Variants in GALNT15 observed in about 807,000 individuals in gnomAD.
The protein encoded by GALNT15 is UDP-GalNAc transferase T15.
A neutral mutation model predicts 66.8 loss-of-function variants in GALNT15; 67 were observed. The ratio of observed to expected loss-of-function variants is 1.00; its 90% CI spans 0.82 to 1.23. The LOEUF is 1.23. GALNT15 is among the 50% of genes most tolerant of loss of function. The pLI is 0.00. For missense variants in GALNT15, 827 were observed against 804.3 expected, an observed-to-expected ratio of 1.03 and a Z score of -0.34; for synonymous variants, 313 against 311.5, an observed-to-expected ratio of 1.00 and a Z score of -0.05.
chr3:16,222,575 C>A (rs757732588), intron 8 of GALNT15, 40 bp from the exon 9 acceptor site: 1 of 1,613,102 alleles, frequency 6.2e-7, no homozygotes, highest in Non-Finnish European at 8.5e-7. Flanking sequence ...TGAAGAGGAT[C>A]TCTTTCTAGC....
the GALNT15 span, among the ~76,000 whole-genome samples, chr3:16,247,161 G>A: frequency 2.0e-5 from 3 of 150,664 alleles, no homozygotes; most frequent in Non-Finnish European, 4.4e-5. Context: ...TCTGCTAAAG[G>A]ATGCTTGCAG....
chr3:16,233,092 A>ATTTTTTTTTTTTT (rs771943641), downstream of GALNT15, among the ~76,000 whole-genome samples: 6 of 48,066 alleles, frequency 1.2e-4, no homozygotes, highest in Non-Finnish European at 1.7e-4. Context: ...AGGATAATGC[A>ATTTTTTTTTTTTT]TCTTTTTTTT....
chr3:16,215,411 G>A (rs1395826874), intron 6 of GALNT15, among the ~76,000 whole-genome samples: 1 of 152,190 alleles, frequency 6.6e-6, no homozygotes, highest in Non-Finnish European at 1.5e-5. Context: ...AGGGTGAGTT[G>A]CTAAAGAGAA....
chr3:16,227,687 G>T lies in GALNT15; in HGVS notation c.*187G>T, dbSNP rs2064038089. 4.4e-6 allele frequency: 6 copies of T among 1,364,916 alleles called. No individual in the cohort carries two copies. The highest frequency in any genetic ancestry group is 5.6e-6 in the Non-Finnish European group (6 of 1,071,666). The allele number at this position is 1,364,916 out of a possible 1,614,324, so 84.6% of individuals were successfully genotyped here. On this transcript the variant is annotated 3_prime_UTR_variant, in exon 10 of 10. Transcript: ENST00000339732. The surrounding 1 kb of genome is among the most constrained non-coding windows in gnomAD (Gnocchi z 4.5). ...TCACACCTTATTTCATTGACTGCTGGCTGCTTTAAAAAAAAAAAAAAAGGA... is the reference window on the plus strand; with the variant it reads ...TCACACCTTATTTCATTGACTGCTGTCTGCTTTAAAAAAAAAAAAAAAGGA...
chr3:16,219,958 G>A lies in GALNT15; in HGVS notation c.1573G>A (p.Asp525Asn). 3.7e-6 allele frequency: 6 copies of A among 1,614,220 alleles called. No individual in the cohort carries two copies. The highest frequency in any genetic ancestry group is 5.1e-6 in the Non-Finnish European group (6 of 1,180,028). The change falls in exon 8 of 10, where the codon GAC becomes AAC. Residue 525 changes from aspartate to asparagine, a missense_variant. Coordinates refer to ENST00000339732, the MANE Select transcript of GALNT15 (RefSeq NM_054110.5). This position sits in a 1 kb window ranked among gnomAD's most constrained non-coding sequence, Gnocchi z 4.3. ...GLCADCQAEG[D>N]ILGCPMVLAP... ...CTGTGCAGACTGCCAGGCAGAAGGGGACATCCTGGGCTGTCCCATGGTGTT... is the reference window on the plus strand; with the variant it reads ...CTGTGCAGACTGCCAGGCAGAAGGGAACATCCTGGGCTGTCCCATGGTGTT...
intron 2 of GALNT15, among the ~76,000 whole-genome samples, chr3:16,197,200 G>T (rs2124864395): frequency 6.6e-6 from 1 of 152,328 alleles, no homozygotes; most frequent in South Asian, 2.1e-4. Flanking sequence ...CCCCTCGGGA[G>T]TACGGAAAGT....
chr3:16,220,384 A>G (rs908911542), intron 8 of GALNT15: 10 of 252,802 alleles, frequency 4.0e-5, no homozygotes, highest in Admixed American at 1.4e-4. Context: ...GGACTGAAGA[A>G]GAAGGTAATC....
Position 16,180,547 on chromosome 3 carries a change from A to G in GALNT15, c.539+4857A>G, listed in dbSNP as rs879938257. 6.6e-6 allele frequency among the ~76,000 whole-genome samples: 1 copy of G among 152,010 alleles called. No homozygotes were observed. The highest frequency in any genetic ancestry group is 2.4e-5 in the African/African-American group (1 of 41,392). ...AAGACGTAGATGTTCAGACCCCCTCACTGGCAATGCTCCAGAGTTCTGAGT... is the reference window on the plus strand; with the variant it reads ...AAGACGTAGATGTTCAGACCCCCTCGCTGGCAATGCTCCAGAGTTCTGAGT... On this transcript the variant is annotated intron_variant, in intron 1 of 9. Transcript: ENST00000339732. The surrounding 1 kb of genome is among the most constrained non-coding windows in gnomAD (Gnocchi z 5.0).
chr3:16,217,958 C>T lies in GALNT15; in HGVS notation c.1393-1445C>T, dbSNP rs1042539723. 2.0e-4 allele frequency among the ~76,000 whole-genome samples: 30 copies of T among 152,190 alleles called. 1 individual carries two copies. Among genetic ancestry groups the T allele is most frequent in the South Asian group, 6.2e-4 (3 of 4,820 alleles). ...ATGGTGGGTAAATACACTGAATAAA[C>T]AAGAAATCCCTGACTTAGAGAAGTT... On this transcript the variant is annotated intron_variant, in intron 6 of 9. Coordinates refer to ENST00000339732, the MANE Select transcript of GALNT15 (RefSeq NM_054110.5).
Position 16,180,332 on chromosome 3 carries a change from G to A in GALNT15, c.539+4642G>A, listed in dbSNP as rs1428636267. On this transcript the variant is annotated intron_variant, in intron 1 of 9. Transcript: ENST00000339732. This position sits in a 1 kb window ranked among gnomAD's most constrained non-coding sequence, Gnocchi z 5.0. ...TTTAAGGTGCATGCGAATCTTCTAG[G>A]CATCCTGTTAAAATGCAGTCAAATT... Among the ~76,000 whole-genome samples the A allele has an allele frequency of 6.6e-6, 1 of 152,180 alleles. No individual in the cohort carries two copies. Among genetic ancestry groups the A allele is most frequent in the East Asian group, 1.9e-4 (1 of 5,198 alleles).
intron 2 of GALNT15, 96 bp downstream of exon 2, chr3:16,196,022 G>A: frequency 2.3e-6 from 3 of 1,285,458 alleles, no homozygotes; most frequent in Non-Finnish European, 3.3e-6. Context: ...ACTATTTTAG[G>A]CAAGATTCCC....
At chr3:16,238,382 G>A in the GALNT15 span, among the ~76,000 whole-genome samples, 1 of 151,918 alleles carries the variant, frequency 6.6e-6, no homozygotes, top group Non-Finnish European at 1.5e-5. The surrounding 1 kb of genome is among the most constrained non-coding windows in gnomAD (Gnocchi z 4.8). Flanking sequence ...CTATTACTAT[G>A]ATAATAGTAA....
At chr3:16,192,692 G>A (rs2063591684) in intron 1 of GALNT15, among the ~76,000 whole-genome samples, 1 of 152,188 alleles carries the variant, frequency 6.6e-6, no homozygotes, top group African/African-American at 2.4e-5. Flanking sequence ...TGAAGGGGGT[G>A]AAAGACCTCA....
At chr3:16,242,550 G>A in the GALNT15 span, among the ~76,000 whole-genome samples, 1 of 151,854 alleles carries the variant, frequency 6.6e-6, no homozygotes. The surrounding 1 kb of genome is among the most constrained non-coding windows in gnomAD (Gnocchi z 5.6). Flanking sequence ...TTGCGCCCAG[G>A]AATTCGAGAC....
chr3:16,208,713 G>A, intron 4 of GALNT15, 43 bp downstream of exon 4: 1 of 1,586,840 alleles, frequency 6.3e-7, no homozygotes, highest in South Asian at 1.1e-5. Context: ...GCCTCCTCAG[G>A]ATGGACTCTG....
At chr3:16,214,093 T>C (rs1200115929) in intron 6 of GALNT15, among the ~76,000 whole-genome samples, 1 of 152,142 alleles carries the variant, frequency 6.6e-6, no homozygotes, top group Non-Finnish European at 1.5e-5. Flanking sequence ...TTAAACAGAG[T>C]GGCACTGGCT....
the GALNT15 span, among the ~76,000 whole-genome samples, chr3:16,239,344 CA>C: frequency 5.3e-5 from 8 of 152,124 alleles, no homozygotes; most frequent in African/African-American, 1.9e-4. The surrounding 1 kb of genome is among the most constrained non-coding windows in gnomAD (Gnocchi z 5.2). Context: ...GATGGATGGC[CA>C]GTGACAGTAC....
rs1368931792 is a variant in GALNT15 at position 16,185,503 on chromosome 3, C to T, written c.539+9813C>T. On this transcript the variant is annotated intron_variant, in intron 1 of 9. Coordinates refer to ENST00000339732, the MANE Select transcript of GALNT15 (RefSeq NM_054110.5). ...CTAAAAGTGATTCTTGCATTGTTCC[C>T]TGATGAAAGCTGAGAGCACGATGAC... is the stretch of plus-strand genomic sequence containing the variant. Among the ~76,000 whole-genome samples, 2 of 152,134 alleles carry T rather than the reference C, an allele frequency of 1.3e-5. 1 individual carries two copies.
At position 16,219,815 on chromosome 3, in the gene GALNT15, G is replaced by A. The variant is rs767636650; in HGVS notation, c.1525-95G>A. ...TGGCCTGAACAATGTGCCTTGGGCT[G>A]CACTCCAGAGAATACAGCAAAGGAA... is the stretch of plus-strand genomic sequence containing the variant. On this transcript the variant is annotated intron_variant, in intron 7 of 9. Coordinates refer to ENST00000339732, the MANE Select transcript of GALNT15 (RefSeq NM_054110.5). The surrounding 1 kb of genome is among the most constrained non-coding windows in gnomAD (Gnocchi z 4.3). 2.1e-5 allele frequency: 22 copies of A among 1,067,038 alleles called. No individual in the cohort carries two copies. Among genetic ancestry groups the A allele is most frequent in the East Asian group, 4.7e-5 (2 of 42,292 alleles). The allele number at this position is 1,067,038 out of a possible 1,614,324, so 66.1% of individuals were successfully genotyped here.
Sources: gnomAD v4.1 joint callset for allele counts (sites outside exome capture counted in the v4.1 genomes callset) on GRCh38, gnomAD v4.1.1 for gene constraint, Gnocchi (gnomAD v3.1) non-coding constraint, MANE v1.5 for transcripts, NCBI Gene and HGNC (gene_info 2026-07-23, HGNC 2026-07-21) for gene names.